The following GRIP1 variants were observed in gnomAD, a reference collection of about 807,000 sequenced individuals.
GRIP1 encodes glutamate receptor interacting protein 1, also known as glutamate receptor-interacting protein 1.
GRIP1 carries 45 observed loss-of-function variants against 129.9 expected under a neutral mutation model. That is an observed-to-expected ratio of 0.35 (90% CI 0.27 to 0.44). The LOEUF (loss-of-function observed/expected upper bound fraction) is 0.44. GRIP1 is among the 20% of genes least tolerant of loss of function. The probability of loss-of-function intolerance (pLI) is 1.00; values close to 1 mark genes in which losing one functional copy is unlikely to be tolerated. For missense variants in GRIP1, 1,196 were observed against 1,396.8 expected (o/e 0.86, Z 2.29); for synonymous variants, 530 against 520.8 (o/e 1.02, Z -0.24).
intron 1 of GRIP1, among the ~76,000 whole-genome samples, chr12:66,873,920 C>T (rs569289328): frequency 7.9e-5 from 12 of 152,184 alleles, no homozygotes; most frequent in Admixed American, 2.0e-4. Flanking sequence ...AATTCAATTA[C>T]GTTTCTCTAC....
chr12:66,599,708 T>C (rs1442900782), intron 1 of GRIP1, among the ~76,000 whole-genome samples: 2 of 152,216 alleles, frequency 1.3e-5, no homozygotes, highest in African/African-American at 2.4e-5. Flanking sequence ...TGGAGAACTA[T>C]GGAGGCTTCT....
At chr12:66,508,755 C>T (rs181410620) in intron 7 of GRIP1, among the ~76,000 whole-genome samples, 4 of 152,294 alleles carry the variant, frequency 2.6e-5, no homozygotes, top group East Asian at 1.9e-4. Context: ...AACTGTCTCT[C>T]GTTACAATTA....
intron 1 of GRIP1, among the ~76,000 whole-genome samples, chr12:67,060,331 G>A (rs1273190251): frequency 6.6e-6 from 1 of 152,186 alleles, no homozygotes; most frequent in Non-Finnish European, 1.5e-5. Flanking sequence ...CACACTGCAA[G>A]AGGGAATTTA....
intron 16 of GRIP1, among the ~76,000 whole-genome samples, chr12:66,404,661 A>C (rs910627487): frequency 6.6e-6 from 1 of 152,144 alleles, no homozygotes; most frequent in Admixed American, 6.5e-5. Context: ...ATCTTATATA[A>C]CCTATGAAAT....
chr12:66,448,742 T>C (rs1654222746), intron 11 of GRIP1, among the ~76,000 whole-genome samples: 2 of 152,338 alleles, frequency 1.3e-5, no homozygotes, highest in African/African-American at 4.8e-5. Flanking sequence ...TCATCACCAG[T>C]GTACAATACT....
At chr12:66,755,762 C>G (rs2037269206) in intron 1 of GRIP1, among the ~76,000 whole-genome samples, 1 of 152,208 alleles carries the variant, frequency 6.6e-6, no homozygotes, top group Admixed American at 6.5e-5. Context: ...CTGGAAATGT[C>G]AGGGAATTCA....
At chr12:66,894,577 G>A (rs2040714907) in intron 1 of GRIP1, among the ~76,000 whole-genome samples, 1 of 152,186 alleles carries the variant, frequency 6.6e-6, no homozygotes. Flanking sequence ...GCTGAATGAT[G>A]TTCTATGATC....
intron 1 of GRIP1, among the ~76,000 whole-genome samples, chr12:66,767,756 G>C (rs1007575173): frequency 6.6e-6 from 1 of 152,278 alleles, no homozygotes; most frequent in East Asian, 1.9e-4. Context: ...ACCCTGCCAC[G>C]ATGCTGGTGT....
chr12:66,817,321 A>C (rs187848394), intron 1 of GRIP1, among the ~76,000 whole-genome samples: 37 of 152,212 alleles, frequency 2.4e-4, no homozygotes, highest in Admixed American at 1.3e-3. Context: ...GCTCTTTAAA[A>C]AATTACTGAG....
chr12:66,607,024 A>T (rs866348444), intron 1 of GRIP1, among the ~76,000 whole-genome samples: 24 of 150,800 alleles, frequency 1.6e-4, no homozygotes, highest in South Asian at 8.4e-4. Context: ...AAAGAGAGAG[A>T]GTGTGTGTGT....
At chr12:66,801,631 AGGACAGACTT>A (rs763976462) in intron 1 of GRIP1, among the ~76,000 whole-genome samples, 2 of 152,130 alleles carry the variant, frequency 1.3e-5, no homozygotes, top group Non-Finnish European at 2.9e-5. Flanking sequence ...TACTACAGGG[AGGACAGACTT>A]GGAGAATTTT....
intron 1 of GRIP1, among the ~76,000 whole-genome samples, chr12:66,867,834 C>G (rs1378367803): frequency 6.6e-6 from 1 of 152,022 alleles, no homozygotes; most frequent in Non-Finnish European, 1.5e-5. Flanking sequence ...TCATATACGA[C>G]GGGTACTCAG....
At chr12:66,560,614 A>G (rs1020559549) in intron 2 of GRIP1, among the ~76,000 whole-genome samples, 5 of 152,216 alleles carry the variant, frequency 3.3e-5, no homozygotes, top group Non-Finnish European at 7.4e-5. Context: ...ATCCAAATCA[A>G]AACTACAATT....
At chr12:66,762,061 T>C (rs1460640971) in intron 1 of GRIP1, among the ~76,000 whole-genome samples, 2 of 152,240 alleles carry the variant, frequency 1.3e-5, no homozygotes, top group Non-Finnish European at 2.9e-5. Context: ...AATATTTGTA[T>C]AGCACTTAAC....
chr12:66,774,203 T>C (rs577370106), intron 1 of GRIP1, among the ~76,000 whole-genome samples: 11 of 152,246 alleles, frequency 7.2e-5, no homozygotes, highest in East Asian at 1.9e-4. Context: ...CTGCCTCTAA[T>C]TTGCCATCCA....
At chr12:66,576,469 T>G (rs1035112719) in intron 2 of GRIP1, among the ~76,000 whole-genome samples, 1 of 152,240 alleles carries the variant, frequency 6.6e-6, no homozygotes, top group Non-Finnish European at 1.5e-5. Flanking sequence ...GAATAGAGAC[T>G]ATTTCATCAA....
At chr12:66,509,114 T>G (rs1414699365) in intron 7 of GRIP1, among the ~76,000 whole-genome samples, 1 of 152,212 alleles carries the variant, frequency 6.6e-6, no homozygotes, top group Non-Finnish European at 1.5e-5. Context: ...GATGAACTTA[T>G]AGAAAATAAA....
chr12:66,949,716 A>T (rs1226246740), intron 1 of GRIP1, among the ~76,000 whole-genome samples: 34 of 149,864 alleles, frequency 2.3e-4, no homozygotes, highest in Non-Finnish European at 4.4e-5. Context: ...TCAAAAGTTG[A>T]CTATAAATCT....
At chr12:66,919,944 T>A (rs1236003401) in intron 1 of GRIP1, among the ~76,000 whole-genome samples, 2 of 152,114 alleles carry the variant, frequency 1.3e-5, no homozygotes, top group Non-Finnish European at 2.9e-5. Flanking sequence ...TATTATATAA[T>A]CAATTTATAT....
Sources: allele counts gnomAD v4.1 joint callset (sites outside exome capture counted in the v4.1 genomes callset), GRCh38; gene constraint gnomAD v4.1.1; transcripts MANE v1.5; gene names NCBI Gene and HGNC (gene_info 2026-07-23, HGNC 2026-07-21).